The following CHST9 variants were observed in gnomAD, a reference collection of about 807,000 sequenced individuals.
CHST9 encodes the protein GalNAc-4-sulfotransferase 2.
A neutral mutation model predicts 44.4 loss-of-function variants in CHST9; 41 were observed. That is an observed-to-expected ratio of 0.92 (90% CI 0.72 to 1.20). CHST9 has a LOEUF of 1.20. Among genes scored for constraint, CHST9 ranks in the 50% most tolerant of loss-of-function variants. The pLI, the probability that CHST9 is intolerant of heterozygous loss-of-function variation, is 0.00. For missense variants in CHST9, 504 were observed against 516.5 expected (o/e 0.98, Z 0.23); for synonymous variants, 171 against 178.4 (o/e 0.96, Z 0.33).
At chr18:26,980,111 A>G (rs113665270) in intron 4 of CHST9, among the ~76,000 whole-genome samples, 4,871 of 152,102 alleles carry the variant, frequency 0.032, 239 homozygotes, top group African/African-American at 0.1. Flanking sequence ...CCAGGAAGCC[A>G]CCTCTGTTTC....
At position 26,985,570 on chromosome 18, in the gene CHST9, T is replaced by C. The variant is rs143609951; in HGVS notation, c.202+38546A>G. Among the ~76,000 whole-genome samples, 43 of 152,236 alleles carry C rather than the reference T, an allele frequency of 2.8e-4. 1 individual carries two copies. The highest frequency in any genetic ancestry group is 1.0e-3 in the African/African-American group (42 of 41,552). ...AGACTCTTTGAGTTTAAGGGACAAA[T>C]ATGAGAATCCATGAACAAGGTGTCT... On this transcript the variant is annotated intron_variant, in intron 4 of 5. Transcript: ENST00000618847.
chr18:27,009,128 T>G (rs909125012), intron 4 of CHST9, among the ~76,000 whole-genome samples: 2 of 152,170 alleles, frequency 1.3e-5, no homozygotes, highest in Non-Finnish European at 2.9e-5. Flanking sequence ...TTTGTTGCAA[T>G]TTGTAACAAT....
intron 5 of CHST9, among the ~76,000 whole-genome samples, chr18:26,929,767 A>G (rs1329757147): frequency 8.5e-5 from 13 of 152,092 alleles, no homozygotes; most frequent in Non-Finnish European, 2.9e-5. Context: ...AGAGAGAGAG[A>G]GAGATGAAGA....
At chr18:26,976,978 A>C (rs2056631175) in intron 4 of CHST9, among the ~76,000 whole-genome samples, 1 of 151,382 alleles carries the variant, frequency 6.6e-6, no homozygotes, top group Non-Finnish European at 1.5e-5. Flanking sequence ...TGTTATTTGC[A>C]GGAAAAACAT....
intron 2 of CHST9, among the ~76,000 whole-genome samples, chr18:27,049,086 G>T (rs1425860316): frequency 6.6e-6 from 1 of 152,118 alleles, no homozygotes; most frequent in African/African-American, 2.4e-5. Context: ...AATGGACAGG[G>T]TATTTGCGCA....
intron 2 of CHST9, among the ~76,000 whole-genome samples, chr18:27,077,171 GT>G (rs963450416): frequency 6.6e-6 from 1 of 152,104 alleles, no homozygotes; most frequent in African/African-American, 2.4e-5. Flanking sequence ...GTGCTAGTGG[GT>G]TTTTCTTTCT....
At chr18:27,033,643 C>T (rs181354274) in intron 3 of CHST9, among the ~76,000 whole-genome samples, 360 of 152,252 alleles carry the variant, frequency 2.4e-3, no homozygotes, top group Middle Eastern at 3.4e-3. Flanking sequence ...AATAAAGTCT[C>T]TTTTTGTTTT....
chr18:27,057,872 G>A (rs2143600990), intron 2 of CHST9, among the ~76,000 whole-genome samples: 1 of 152,334 alleles, frequency 6.6e-6, no homozygotes, highest in East Asian at 1.9e-4. Flanking sequence ...AACAGTTTTA[G>A]GTTGTCTTGG....
chr18:26,963,659 T>C (rs959875663), intron 4 of CHST9, among the ~76,000 whole-genome samples: 12 of 152,084 alleles, frequency 7.9e-5, no homozygotes, highest in African/African-American at 2.4e-4. Context: ...TTTGTAAAAG[T>C]AGAATGTAGT....
At chr18:27,037,987 G>A (rs1381394811) in intron 3 of CHST9, among the ~76,000 whole-genome samples, 1 of 151,848 alleles carries the variant, frequency 6.6e-6, no homozygotes, top group African/African-American at 2.4e-5. Flanking sequence ...ACTATAATTA[G>A]GATACCAAGA....
intron 4 of CHST9, among the ~76,000 whole-genome samples, chr18:26,970,898 C>A (rs1294489235): frequency 1.3e-5 from 2 of 152,152 alleles, no homozygotes; most frequent in Non-Finnish European, 2.9e-5. Flanking sequence ...GTTTCAAGAT[C>A]TATTCCTGCT....
intron 2 of CHST9, among the ~76,000 whole-genome samples, chr18:27,135,731 G>C (rs545989843): frequency 6.6e-6 from 1 of 152,316 alleles, no homozygotes; most frequent in East Asian, 1.9e-4. Flanking sequence ...TCAGGGTGTG[G>C]ACCAAGGCAC....
At chr18:27,059,779 C>T (rs1205860007) in intron 2 of CHST9, among the ~76,000 whole-genome samples, 1 of 152,144 alleles carries the variant, frequency 6.6e-6, no homozygotes, top group Non-Finnish European at 1.5e-5. Flanking sequence ...CCCGCTAGCC[C>T]CAAGTTTTTC....
chr18:26,922,837 T>C (rs2055686798), intron 5 of CHST9, among the ~76,000 whole-genome samples: 1 of 152,144 alleles, frequency 6.6e-6, no homozygotes, highest in African/African-American at 2.4e-5. Flanking sequence ...GGTCTCACCA[T>C]GTTGGCCAGG....
intron 3 of CHST9, among the ~76,000 whole-genome samples, chr18:27,034,752 G>T (rs1468537776): frequency 6.6e-6 from 1 of 152,182 alleles, no homozygotes; most frequent in Admixed American, 6.5e-5. Context: ...CCTCAGAGAA[G>T]TCTTCCTCTC....
At chr18:26,986,983 C>T (rs1267832019) in intron 4 of CHST9, among the ~76,000 whole-genome samples, 1 of 152,084 alleles carries the variant, frequency 6.6e-6, no homozygotes, top group Non-Finnish European at 1.5e-5. Context: ...TAAAAAGCAA[C>T]AGGATTATTA....
intron 4 of CHST9, among the ~76,000 whole-genome samples, chr18:26,963,810 G>A (rs1249210635): frequency 6.6e-6 from 1 of 152,164 alleles, no homozygotes; most frequent in Non-Finnish European, 1.5e-5. Context: ...GAGATTATCA[G>A]AGACAATCCC....
At chr18:27,152,580 CAT>C (rs1400823538) in intron 1 of CHST9, among the ~76,000 whole-genome samples, 2 of 152,160 alleles carry the variant, frequency 1.3e-5, no homozygotes, top group African/African-American at 2.4e-5. Context: ...TTTGTTTACA[CAT>C]AGTCACAAGA....
intron 4 of CHST9, among the ~76,000 whole-genome samples, chr18:27,002,680 A>C (rs1426640376): frequency 1.3e-5 from 2 of 152,172 alleles, no homozygotes; most frequent in African/African-American, 4.8e-5. Context: ...ATGCATTTTC[A>C]ATTTATGATG....
Sources: gnomAD v4.1 joint callset for allele counts (sites outside exome capture counted in the v4.1 genomes callset) on GRCh38, gnomAD v4.1.1 for gene constraint, MANE v1.5 for transcripts, NCBI Gene and HGNC (gene_info 2026-07-23, HGNC 2026-07-21) for gene names.